The following TXNDC8 variants were observed in gnomAD, a reference collection of about 807,000 sequenced individuals.
TXNDC8 encodes thioredoxin domain-containing protein 8.
A neutral mutation model predicts 12.9 loss-of-function variants in TXNDC8; 15 were observed. That is an observed-to-expected ratio of 1.16 (90% CI 0.78 to 1.79). TXNDC8 has a LOEUF of 1.79. Ranked by LOEUF, TXNDC8 falls within the 40% of genes most tolerant of loss-of-function variation. TXNDC8 has a pLI of 0.00. For synonymous variants in TXNDC8, 40 were observed against 35.4 expected, an observed-to-expected ratio of 1.13 and a Z score of -0.46; for missense variants, 128 against 113.2, an observed-to-expected ratio of 1.13 and a Z score of -0.59.
intron 3 of TXNDC8, among the ~76,000 whole-genome samples, chr9:110,324,529 T>C (rs949047046): frequency 7.1e-6 from 1 of 140,096 alleles, no homozygotes; most frequent in East Asian, 2.3e-4. Flanking sequence ...TCTTTATAAC[T>C]TTTTTTTTGC....
intron 3 of TXNDC8, among the ~76,000 whole-genome samples, chr9:110,312,369 A>G (rs1285221222): frequency 2.0e-5 from 3 of 152,242 alleles, no homozygotes; most frequent in Admixed American, 2.0e-4. Context: ...GGAATGGTGT[A>G]CTTTCCCTTA....
intron 1 of TXNDC8, among the ~76,000 whole-genome samples, chr9:110,336,481 G>T (rs913012665): frequency 3.9e-5 from 6 of 152,152 alleles, no homozygotes; most frequent in Non-Finnish European, 8.8e-5. Flanking sequence ...TGTTGTTTGG[G>T]TGTGAGCTGG....
intron 3 of TXNDC8, among the ~76,000 whole-genome samples, chr9:110,318,525 A>G (rs949309033): frequency 2.0e-5 from 3 of 152,192 alleles, no homozygotes; most frequent in Non-Finnish European, 4.4e-5. Context: ...TCACGAGGTC[A>G]GGAGATCGAG....
At chr9:110,328,495 C>G (rs559111533) in intron 2 of TXNDC8, among the ~76,000 whole-genome samples, 2 of 152,314 alleles carry the variant, frequency 1.3e-5, no homozygotes, top group East Asian at 1.9e-4. Context: ...CTGTAATGCA[C>G]TGAGGTAGGT....
At chr9:110,322,838 C>T in intron 3 of TXNDC8, 1 of 985,306 alleles carries the variant, frequency 1.0e-6, no homozygotes, top group African/African-American at 1.7e-5. Flanking sequence ...TGCACTCACT[C>T]ATTCATCACA....
chr9:110,330,879 C>G (rs1018188615), intron 2 of TXNDC8, among the ~76,000 whole-genome samples: 3 of 152,154 alleles, frequency 2.0e-5, no homozygotes, highest in Non-Finnish European at 4.4e-5. Context: ...CTTCTTAAAA[C>G]CCACATTTTC....
At chr9:110,333,331 C>G (rs12235684) in intron 2 of TXNDC8, among the ~76,000 whole-genome samples, 8 of 152,142 alleles carry the variant, frequency 5.3e-5, no homozygotes, top group Non-Finnish European at 1.0e-4. Flanking sequence ...TGTGAGGGAG[C>G]TAAGTTGCGC....
rs552787285 is a variant in TXNDC8 at position 110,322,934 on chromosome 9, C to T, written c.195+3241G>A. The T allele has an allele frequency of 6.1e-5, 60 of 985,366 alleles. 1 individual carries two copies. The South Asian group carries it at 1.9e-3, about 31-fold the overall frequency. 61.0% of individuals were successfully genotyped at this position (985,366 alleles called of 1,614,324 possible). A position where few individuals can be genotyped will look rare whatever the true frequency, so the allele number is the denominator to read the frequency against. On this transcript the variant is annotated intron_variant, in intron 3 of 4. Transcript: ENST00000423740. ...ACATGACCTCCTTCAGGTGCTTGGA[C>T]TAGTATGAGAAAAATACATGAAGAT... is the stretch of plus-strand genomic sequence containing the variant.
chr9:110,327,931 G>A (rs1839397256), intron 2 of TXNDC8, among the ~76,000 whole-genome samples: 1 of 152,158 alleles, frequency 6.6e-6, no homozygotes, highest in African/African-American at 2.4e-5. Context: ...CATACTAGCT[G>A]TGTATTCTGA....
Position 110,303,685 on chromosome 9 carries a change from C to T in TXNDC8, c.285G>A (p.Glu95=). Residue 95 remains glutamate (E), a synonymous_variant, in exon 5 of 5, where the codon GAG becomes GAA. Transcript: ENST00000423740. ...TTCCTGATTGAAAAGTTAAATCCTA[C>T]TCATTTCCATCATCTGCAAGACACT... The T allele has an allele frequency of 6.2e-7, 1 of 1,600,200 alleles. No individual in the cohort carries two copies. Among genetic ancestry groups the T allele is most frequent in the Non-Finnish European group, 8.5e-7 (1 of 1,171,748 alleles).
At chr9:110,335,737 C>T (rs1839725896) in intron 1 of TXNDC8, among the ~76,000 whole-genome samples, 1 of 152,160 alleles carries the variant, frequency 6.6e-6, no homozygotes, top group South Asian at 2.1e-4. Context: ...ACTTATTCTC[C>T]CTTTCATTGG....
downstream of TXNDC8, chr9:110,303,377 TG>T: frequency 1.1e-6 from 1 of 911,514 alleles, no homozygotes. Context: ...AATTGTGCAG[TG>T]AGATTGCATT....
chr9:110,316,165 C>G (rs570805311), intron 3 of TXNDC8, among the ~76,000 whole-genome samples: 1 of 151,842 alleles, frequency 6.6e-6, no homozygotes, highest in African/African-American at 2.4e-5. Flanking sequence ...ATCTGCCTGC[C>G]TCGGCCTCCC....
chr9:110,329,773 C>T (rs139301388), intron 2 of TXNDC8, among the ~76,000 whole-genome samples: 294 of 152,296 alleles, frequency 1.9e-3, no homozygotes, highest in African/African-American at 6.8e-3. Context: ...GCGATGTCAA[C>T]ATTTTAATGC....
intron 3 of TXNDC8, among the ~76,000 whole-genome samples, chr9:110,306,724 C>A (rs1245663954): frequency 1.3e-5 from 2 of 152,116 alleles, no homozygotes; most frequent in African/African-American, 4.8e-5. Context: ...CTGACATATA[C>A]CCATGTTATT....
At chr9:110,309,052 T>C (rs1002634084) in intron 3 of TXNDC8, among the ~76,000 whole-genome samples, 7 of 152,230 alleles carry the variant, frequency 4.6e-5, no homozygotes, top group Non-Finnish European at 5.9e-5. Context: ...GTTATTTTAT[T>C]TTTTCTCGTA....
intron 3 of TXNDC8, among the ~76,000 whole-genome samples, chr9:110,305,548 TTCTTTC>T (rs1429317692): frequency 3.1e-5 from 1 of 31,816 alleles, no homozygotes; most frequent in East Asian, 1.1e-3. Context: ...TATTTTCTTT[TTCTTTC>T]TTTCTTTCTT....
intron 2 of TXNDC8, 26 bp from the exon 3 acceptor site, chr9:110,329,317 C>T (rs748491973): frequency 6.4e-7 from 1 of 1,568,936 alleles, no homozygotes; most frequent in South Asian, 1.1e-5. Context: ...TAAATATTTC[C>T]CATTAGTTTG....
chr9:110,321,699 C>T (rs10816971), intron 3 of TXNDC8, among the ~76,000 whole-genome samples: 91,644 of 150,184 alleles, frequency 0.61, 28,183 homozygotes, highest in East Asian at 0.74. Flanking sequence ...TGGATGTTCA[C>T]GGACACCTTC....
Sources: gnomAD v4.1 joint callset for allele counts (sites outside exome capture counted in the v4.1 genomes callset) on GRCh38, gnomAD v4.1.1 for gene constraint, MANE v1.5 for transcripts, NCBI Gene and HGNC (gene_info 2026-07-23, HGNC 2026-07-21) for gene names.